The following MCTP1 variants were observed in gnomAD, a reference collection of about 807,000 sequenced individuals.
MCTP1 encodes the protein multiple C2 and transmembrane domain containing 1.
MCTP1 carries 69 observed loss-of-function variants against 120.6 expected under a neutral mutation model. The ratio of observed to expected loss-of-function variants is 0.57; its 90% CI spans 0.47 to 0.70. The LOEUF (loss-of-function observed/expected upper bound fraction) is 0.70, where lower values mean the gene tolerates loss of function less well. Ranked by LOEUF, MCTP1 falls within the 30% of genes least tolerant of loss-of-function variation. MCTP1 has a pLI of 0.00. For missense variants in MCTP1, 1,203 were observed against 1,248.8 expected, an observed-to-expected ratio of 0.96 and a Z score of 0.55; for synonymous variants, 529 against 493.1, an observed-to-expected ratio of 1.07 and a Z score of -0.96.
chr5:94,917,567 GT>G (rs1381863940), intron 8 of MCTP1, among the ~76,000 whole-genome samples: 1 of 152,090 alleles, frequency 6.6e-6, no homozygotes, highest in East Asian at 1.9e-4. Flanking sequence ...TACATCCAAA[GT>G]TTTAGATCCA....
At chr5:94,903,570 A>C (rs1027113983) in intron 10 of MCTP1, among the ~76,000 whole-genome samples, 3 of 152,198 alleles carry the variant, frequency 2.0e-5, no homozygotes, top group African/African-American at 4.8e-5. Flanking sequence ...TTACCAATTC[A>C]GAATATATTT....
chr5:95,203,338 T>A (rs1751281302), intron 1 of MCTP1, among the ~76,000 whole-genome samples: 2 of 152,216 alleles, frequency 1.3e-5, no homozygotes, highest in Non-Finnish European at 2.9e-5. Flanking sequence ...AAGACAAGTC[T>A]ATCCAGAACC....
Position 94,707,670 on chromosome 5 carries a change from T to C in MCTP1, c.2929-103A>G, listed in dbSNP as rs148501317. 279 of 823,142 alleles carry C rather than the reference T, an allele frequency of 3.4e-4. 1 individual carries two copies. In the African/African-American group the frequency reaches 3.7e-3, roughly 11 times the overall value. The allele number at this position is 823,142 out of a possible 1,614,324, so 51.0% of individuals were successfully genotyped here. On this transcript the variant is annotated intron_variant, in intron 22 of 22. Transcript: ENST00000515393. ...GACGGTGCTTGGGGGAAGAAAGTGC[T>C]CACTCTAGAAGCTGTATGGGATCTG... is the stretch of plus-strand genomic sequence containing the variant.
chr5:95,281,768 C>G (rs1170790583), intron 1 of MCTP1, among the ~76,000 whole-genome samples: 1 of 152,154 alleles, frequency 6.6e-6, no homozygotes, highest in Non-Finnish European at 1.5e-5. Context: ...CAATACATCA[C>G]AGAACAAATT....
At chr5:94,797,669 A>G (rs139804795) in intron 18 of MCTP1, among the ~76,000 whole-genome samples, 2 of 152,320 alleles carry the variant, frequency 1.3e-5, no homozygotes, top group East Asian at 3.9e-4. Context: ...TTGGTTTGAT[A>G]TACATTACAA....
rs139268025 is a variant in MCTP1, at chr5:95,143,872, G to T, written c.721-126388C>A. Among the ~76,000 whole-genome samples, 1,328 of 152,246 alleles carry T rather than the reference G, an allele frequency of 8.7e-3. 8 individuals are homozygous for T. Among genetic ancestry groups the T allele is most frequent in the Non-Finnish European group, 0.01 (706 of 68,008 alleles). ...CTAGCACAGTGATGAACATAGAAGT[G>T]CATGTATCTTTTATGTAGAAAATTT... On this transcript the variant is annotated intron_variant, in intron 1 of 22. Coordinates refer to ENST00000515393, the MANE Select transcript of MCTP1 (RefSeq NM_024717.7).
chr5:94,854,701 T>C (rs1381406177), intron 17 of MCTP1, among the ~76,000 whole-genome samples: 1 of 151,906 alleles, frequency 6.6e-6, no homozygotes, highest in Non-Finnish European at 1.5e-5. Flanking sequence ...CGGAGGCTCA[T>C]CAGGGTAAGT....
rs567091385 is a variant in MCTP1 at position 95,245,318 on chromosome 5, A to C, written c.720+38538T>G. ...CCAGCAAGGGAACAAAGCTGGATGG[A>C]GAATGACTTTGACAAGTTGACAGAA... On this transcript the variant is annotated intron_variant, in intron 1 of 22. Coordinates refer to ENST00000515393, the MANE Select transcript of MCTP1 (RefSeq NM_024717.7). Among the ~76,000 whole-genome samples the C allele has an allele frequency of 6.4e-4, 98 of 152,230 alleles. 1 individual carries two copies. The highest frequency in any genetic ancestry group is 1.3e-3 in the Non-Finnish European group (86 of 68,042).
chr5:95,270,499 A>C (rs915068689), intron 1 of MCTP1, among the ~76,000 whole-genome samples: 1 of 152,228 alleles, frequency 6.6e-6, no homozygotes. Flanking sequence ...TTAAAATGGC[A>C]CTGGGTAAGA....
chr5:94,754,532 A>T (rs1338441493), intron 19 of MCTP1, among the ~76,000 whole-genome samples: 1 of 152,240 alleles, frequency 6.6e-6, no homozygotes, highest in Non-Finnish European at 1.5e-5. Context: ...ACTCTTTGAC[A>T]TCTTCTTTTT....
intron 12 of MCTP1, among the ~76,000 whole-genome samples, chr5:94,878,842 A>C (rs566795243): frequency 2.0e-5 from 3 of 152,008 alleles, no homozygotes; most frequent in Non-Finnish European, 4.4e-5. Context: ...AATTAAAAAA[A>C]ACAGGTAAAA....
rs536877056 is a variant in MCTP1 at position 94,958,629 on chromosome 5, A to C, written c.839-5268T>G. Among the ~76,000 whole-genome samples, 3 of 152,344 alleles carry C rather than the reference A, an allele frequency of 2.0e-5. No individual in the cohort carries two copies. In the South Asian group the frequency reaches 6.2e-4, roughly 32 times the overall value. On this transcript the variant is annotated intron_variant, in intron 2 of 22. Transcript: ENST00000515393. ...CAGAAATAGAAACTACCATCAGAGA[A>C]TACTATAAACACCTCTACACAAATA...
At position 94,773,913 on chromosome 5, in the gene MCTP1, T is replaced by C. The variant is rs13173792; in HGVS notation, c.2610+5197A>G. Among the ~76,000 whole-genome samples the C allele has an allele frequency of 2.7e-5, 4 of 149,882 alleles. 1 individual carries two copies. The highest frequency in any genetic ancestry group is 2.0e-4 in the Admixed American group (3 of 14,924). On this transcript the variant is annotated intron_variant, in intron 19 of 22. Transcript: ENST00000515393. ...ATTGTGTGCGGACACGGCCAAATCA[T>C]ATTAGATGAAATAGGCCGGGCGCGG... is the stretch of plus-strand genomic sequence containing the variant.
chr5:95,170,547 G>C (rs1747116821), intron 1 of MCTP1, among the ~76,000 whole-genome samples: 2 of 152,168 alleles, frequency 1.3e-5, no homozygotes, highest in Admixed American at 1.3e-4. Flanking sequence ...GGGAGTCTAA[G>C]TCTCTTTGTA....
rs907989367 is a variant in MCTP1, at chr5:95,276,457, C to T, written c.720+7399G>A. Among the ~76,000 whole-genome samples, 9 of 150,644 alleles carry T rather than the reference C, an allele frequency of 6.0e-5. No homozygotes were observed. In the South Asian group the frequency reaches 6.3e-4, roughly 11 times the overall value. On this transcript the variant is annotated intron_variant, in intron 1 of 22. Transcript: ENST00000515393. ...ATTTTTAGTAGAGATGGGGTTTCAC[C>T]ATATTGGCCAGGCTGGTCTTGAACT...
chr5:94,710,782 A>G (rs1561506550), intron 21 of MCTP1, 36 bp downstream of exon 21: 1 of 1,379,214 alleles, frequency 7.3e-7, no homozygotes, highest in Non-Finnish European at 1.0e-6. Flanking sequence ...CTTAGCAGCT[A>G]AGACAGTTTG....
At chr5:94,818,192 A>G (rs1220146115) in intron 17 of MCTP1, among the ~76,000 whole-genome samples, 1 of 152,258 alleles carries the variant, frequency 6.6e-6, no homozygotes, top group African/African-American at 2.4e-5. Flanking sequence ...AGATATGGCA[A>G]GAAACTAAGG....
chr5:95,007,582 A>G (rs1835018510), intron 2 of MCTP1, among the ~76,000 whole-genome samples: 1 of 152,172 alleles, frequency 6.6e-6, no homozygotes, highest in Non-Finnish European at 1.5e-5. Flanking sequence ...CTTGGAAAAG[A>G]CTTTGTTTAC....
intron 1 of MCTP1, among the ~76,000 whole-genome samples, chr5:95,252,358 T>C (rs1322328165): frequency 6.6e-6 from 1 of 152,164 alleles, no homozygotes; most frequent in African/African-American, 2.4e-5. Flanking sequence ...ACTATCTTCC[T>C]TGATTGCATT....
Sources: allele counts gnomAD v4.1 joint callset (sites outside exome capture counted in the v4.1 genomes callset), GRCh38; gene constraint gnomAD v4.1.1; transcripts MANE v1.5; gene names NCBI Gene and HGNC (gene_info 2026-07-23, HGNC 2026-07-21).